The following EPB41L5 variants were observed in gnomAD, a reference collection of about 807,000 sequenced individuals.
EPB41L5 encodes the protein erythrocyte membrane protein band 4.1 like 5.
A neutral mutation model predicts 106.6 loss-of-function variants in EPB41L5; 55 were observed. The ratio of observed to expected loss-of-function variants is 0.52; its 90% CI spans 0.42 to 0.65. The LOEUF is 0.65. Among genes scored for constraint, EPB41L5 ranks in the 30% least tolerant of loss-of-function variants. The pLI is 0.00. For synonymous variants in EPB41L5, 297 were observed against 306.7 expected, an observed-to-expected ratio of 0.97 and a Z score of 0.33; for missense variants, 871 against 882.1, an observed-to-expected ratio of 0.99 and a Z score of 0.16.
intron 18 of EPB41L5, among the ~76,000 whole-genome samples, chr2:120,139,251 A>G (rs1051199987): frequency 1.3e-5 from 2 of 152,088 alleles, no homozygotes; most frequent in Non-Finnish European, 2.9e-5. Flanking sequence ...GCAACTCTCT[A>G]AAACATCAGT....
At chr2:120,041,312 A>G (rs149999069) in intron 2 of EPB41L5, among the ~76,000 whole-genome samples, 66 of 152,292 alleles carry the variant, frequency 4.3e-4, no homozygotes, top group African/African-American at 1.5e-3. Context: ...TTTCAGGTAT[A>G]TAAGAAACCT....
chr2:120,077,494 G>A (rs924914049), intron 9 of EPB41L5, among the ~76,000 whole-genome samples, 178 bp downstream of exon 9: 3 of 152,150 alleles, frequency 2.0e-5, no homozygotes, highest in South Asian at 4.1e-4. Context: ...TCACAGAAAG[G>A]TTCATTATAA....
At chr2:120,075,821 G>C in intron 7 of EPB41L5, 68 bp downstream of exon 7, 1 of 1,246,640 alleles carries the variant, frequency 8.0e-7, no homozygotes, top group Non-Finnish European at 1.2e-6. Flanking sequence ...TTTAGTTAAA[G>C]AAGATTCTAA....
chr2:120,087,156 C>G lies in EPB41L5; in HGVS notation c.804-15C>G. On this transcript the variant is annotated splice_polypyrimidine_tract_variant and intron_variant, in intron 10 of 24. Coordinates refer to ENST00000263713, the MANE Select transcript of EPB41L5 (RefSeq NM_020909.4). ...TTGTTTGTAATTTGGCTTTTATTCTCTTATTATATTATAGGCCGAAGATAA... is the reference window on the plus strand; with the variant it reads ...TTGTTTGTAATTTGGCTTTTATTCTGTTATTATATTATAGGCCGAAGATAA... 1 of 1,500,250 alleles carries G rather than the reference C, an allele frequency of 6.7e-7. No individual in the cohort carries two copies. Among genetic ancestry groups the G allele is most frequent in the Non-Finnish European group, 9.2e-7 (1 of 1,090,638 alleles). 92.9% of individuals were successfully genotyped at this position (1,500,250 alleles called of 1,614,324 possible). A position where few individuals can be genotyped will look rare whatever the true frequency, so the allele number is the denominator to read the frequency against.
intron 3 of EPB41L5, among the ~76,000 whole-genome samples, chr2:120,052,859 C>T (rs1039218264): frequency 6.6e-6 from 1 of 152,156 alleles, no homozygotes; most frequent in Non-Finnish European, 1.5e-5. Context: ...ACTTCAACAC[C>T]CATAAATAAT....
At chr2:120,149,520 A>G (rs923568439) in intron 20 of EPB41L5, among the ~76,000 whole-genome samples, 1 of 152,210 alleles carries the variant, frequency 6.6e-6, no homozygotes, top group African/African-American at 2.4e-5. Flanking sequence ...TTCACTTAGC[A>G]TAATGTTTCC....
intron 3 of EPB41L5, among the ~76,000 whole-genome samples, chr2:120,059,112 T>C (rs1215811128): frequency 4.6e-5 from 7 of 152,182 alleles, no homozygotes; most frequent in Non-Finnish European, 7.3e-5. Context: ...GACAGACATG[T>C]AGATCAATGG....
At chr2:120,064,181 A>G (rs193165131) in intron 3 of EPB41L5, among the ~76,000 whole-genome samples, 1 of 152,350 alleles carries the variant, frequency 6.6e-6, no homozygotes, top group East Asian at 1.9e-4. Context: ...TTTCCTTAGT[A>G]TAGGTTTTTA....
intron 3 of EPB41L5, among the ~76,000 whole-genome samples, chr2:120,072,578 C>T (rs1162081887): frequency 6.6e-6 from 1 of 152,206 alleles, no homozygotes; most frequent in Non-Finnish European, 1.5e-5. Flanking sequence ...AGCACATATA[C>T]ACCATGGAAT....
chr2:120,102,549 A>G (rs1684212911), intron 16 of EPB41L5, among the ~76,000 whole-genome samples: 1 of 152,130 alleles, frequency 6.6e-6, no homozygotes, highest in Non-Finnish European at 1.5e-5. Context: ...GATTCTTGTT[A>G]ATGCTTTCAA....
At chr2:120,055,860 G>A (rs777268776) in intron 3 of EPB41L5, among the ~76,000 whole-genome samples, 2 of 152,132 alleles carry the variant, frequency 1.3e-5, no homozygotes, top group Non-Finnish European at 2.9e-5. Context: ...TTATGTATAA[G>A]ATCATGTCAT....
At chr2:120,120,423 C>T (rs1233407793) in intron 16 of EPB41L5, among the ~76,000 whole-genome samples, 1 of 103,182 alleles carries the variant, frequency 9.7e-6, no homozygotes, top group Non-Finnish European at 1.9e-5. Context: ...CAGAGCGACA[C>T]TCAATCTCAA....
intron 16 of EPB41L5, among the ~76,000 whole-genome samples, chr2:120,114,526 C>T (rs538768429): frequency 2.6e-5 from 4 of 152,262 alleles, no homozygotes; most frequent in Middle Eastern, 3.4e-3. Flanking sequence ...GTATTAAGTG[C>T]ATTTTCAATT....
In EPB41L5 at chr2:120,140,580, A is replaced by C. The variant is rs541111081; in HGVS notation, c.1600-2423A>C. Among the ~76,000 whole-genome samples the C allele has an allele frequency of 7.9e-5, 12 of 152,180 alleles. No homozygotes were observed. In the South Asian group the frequency reaches 2.3e-3, roughly 29 times the overall value. On this transcript the variant is annotated intron_variant, in intron 18 of 24. Transcript: ENST00000263713. Reference sequence around the variant, plus strand: ...CCCGATCTGAAAATTTAAAATTCAAAATGATCCAGAATCTAATACTTTTTG... The same window carrying C: ...CCCGATCTGAAAATTTAAAATTCAACATGATCCAGAATCTAATACTTTTTG...
At chr2:120,026,865 T>C (rs1478562239) in intron 2 of EPB41L5, among the ~76,000 whole-genome samples, 1 of 152,212 alleles carries the variant, frequency 6.6e-6, no homozygotes, top group Non-Finnish European at 1.5e-5. Flanking sequence ...ATCTAGGCTA[T>C]ATAAAGAACA....
At chr2:120,034,498 T>C (rs1384216101) in intron 2 of EPB41L5, among the ~76,000 whole-genome samples, 1 of 152,176 alleles carries the variant, frequency 6.6e-6, no homozygotes, top group Non-Finnish European at 1.5e-5. Context: ...TGCTGTAGTG[T>C]AGAAATATTT....
At chr2:120,079,898 G>A (rs1032027910) in intron 10 of EPB41L5, among the ~76,000 whole-genome samples, 4 of 152,132 alleles carry the variant, frequency 2.6e-5, no homozygotes, top group African/African-American at 2.4e-5. Flanking sequence ...AGGGTCCTGC[G>A]TGGTCCTCCC....
intron 3 of EPB41L5, among the ~76,000 whole-genome samples, chr2:120,068,303 C>T (rs1010912509): frequency 5.3e-5 from 8 of 152,230 alleles, no homozygotes; most frequent in South Asian, 2.1e-4. Flanking sequence ...GAGATTCCCT[C>T]GGGTGCCTAC....
intron 2 of EPB41L5, among the ~76,000 whole-genome samples, chr2:120,034,590 A>C (rs1300892277): frequency 6.6e-6 from 1 of 152,022 alleles, no homozygotes; most frequent in African/African-American, 2.4e-5. Context: ...AGCTGGGCTC[A>C]GTGTGACCAC....
Sources: gnomAD v4.1 joint callset for allele counts (sites outside exome capture counted in the v4.1 genomes callset) on GRCh38, gnomAD v4.1.1 for gene constraint, MANE v1.5 for transcripts, NCBI Gene and HGNC (gene_info 2026-07-23, HGNC 2026-07-21) for gene names.